SCOC: variants seen among roughly 807,000 people sequenced by gnomAD.
SCOC encodes the protein short coiled coil protein.
Under a neutral mutation model 9.9 loss-of-function variants are expected in SCOC, and 7 were observed. That is an observed-to-expected ratio of 0.71 (90% CI 0.40 to 1.33). The LOEUF is 1.33. Among genes scored for constraint, SCOC ranks in the 40% most tolerant of loss-of-function variants. The pLI, the probability that SCOC is intolerant of heterozygous loss-of-function variation, is 0.01. For missense variants in SCOC, 66 were observed against 89.7 expected (o/e 0.74, Z 1.07); for synonymous variants, 19 against 28.2 (o/e 0.67, Z 1.03).
At chr4:140,354,226 C>G (rs1003219171) in intron 2 of SCOC, among the ~76,000 whole-genome samples, 1 of 151,884 alleles carries the variant, frequency 6.6e-6, no homozygotes. Context: ...TCTTATCATT[C>G]TTTTTTACTT....
chr4:140,379,757 A>C lies in SCOC; in HGVS notation c.106+105A>C, dbSNP rs1267272004. On this transcript the variant is annotated intron_variant, in intron 3 of 3. Coordinates refer to ENST00000608372, the MANE Select transcript of SCOC (RefSeq NM_001153484.2). ...TGTTAGGATGTATAATTTTTAAAAG[A>C]ATGAACTTCAAAGTACACACATATA... is the stretch of plus-strand genomic sequence containing the variant. 4.0e-6 allele frequency: 3 copies of C among 758,696 alleles called. No individual in the cohort carries two copies. The East Asian group carries it at 7.9e-5, about 20-fold the overall frequency. The allele number at this position is 758,696 out of a possible 1,614,324, so 47.0% of individuals were successfully genotyped here.
At chr4:140,295,027 A>C (rs1298982040) in intron 1 of SCOC, among the ~76,000 whole-genome samples, 5 of 152,224 alleles carry the variant, frequency 3.3e-5, no homozygotes, top group Non-Finnish European at 7.3e-5. Context: ...ATAGCCACAC[A>C]CCAGTTAAAT....
chr4:140,293,747 C>T (rs568254330), intron 1 of SCOC, among the ~76,000 whole-genome samples: 17 of 152,182 alleles, frequency 1.1e-4, no homozygotes, highest in Non-Finnish European at 2.5e-4. Context: ...TCAGCCATTG[C>T]CTCCCAGCAG....
At chr4:140,278,863 G>GC (rs1278357473) in intron 1 of SCOC, among the ~76,000 whole-genome samples, 1 of 122,854 alleles carries the variant, frequency 8.1e-6, no homozygotes, top group Non-Finnish European at 1.6e-5. Context: ...TATTCACTTT[G>GC]CCCCCCCAAC....
chr4:140,326,539 G>A (rs554745245), intron 1 of SCOC, among the ~76,000 whole-genome samples: 28 of 152,236 alleles, frequency 1.8e-4, no homozygotes, highest in Middle Eastern at 3.4e-3. Flanking sequence ...GTCCACTGTG[G>A]TGAATTCTGT....
At chr4:140,281,181 G>C (rs1731087512) in intron 1 of SCOC, among the ~76,000 whole-genome samples, 1 of 152,098 alleles carries the variant, frequency 6.6e-6, no homozygotes, top group African/African-American at 2.4e-5. Context: ...AAAAAGAGAG[G>C]AGGAAGAGGC....
intron 2 of SCOC, among the ~76,000 whole-genome samples, chr4:140,362,283 T>TCTCCTTCTCCTTCTCCTTCTC (rs200328713): frequency 3.5e-4 from 6 of 17,366 alleles, no homozygotes; most frequent in Non-Finnish European, 6.4e-4. Context: ...CCTTACTTCT[T>TCTCCTTCTCCTTCTCCTTCTC]CTTCTTCTTC....
rs1476998890 is a variant in SCOC at position 140,310,926 on chromosome 4, A to C, written c.-18-32695A>C. ...GAGACATAGCAGATGCAGATGATGC[A>C]GCTGTTTTGCTCTGTGTGTGTGCTC... On this transcript the variant is annotated intron_variant, in intron 1 of 4. Coordinates refer to the SCOC transcript ENST00000394205. Among the ~76,000 whole-genome samples, 6 of 152,238 alleles carry C rather than the reference A, an allele frequency of 3.9e-5. No homozygotes were observed. In the East Asian group the frequency reaches 1.2e-3, roughly 29 times the overall value.
chr4:140,269,144 A>T (rs1328425547), intron 1 of SCOC, among the ~76,000 whole-genome samples: 1 of 152,202 alleles, frequency 6.6e-6, no homozygotes, highest in Non-Finnish European at 1.5e-5. Context: ...CACTAGACAC[A>T]GGGCTGCAAC....
chr4:140,360,177 G>A (rs1356222107), intron 2 of SCOC, among the ~76,000 whole-genome samples: 1 of 152,166 alleles, frequency 6.6e-6, no homozygotes, highest in Non-Finnish European at 1.5e-5. Flanking sequence ...TCCACAAGTA[G>A]AGAATGTTAC....
At chr4:140,258,846 C>T (rs1479671801) in intron 1 of SCOC, among the ~76,000 whole-genome samples, 1 of 152,174 alleles carries the variant, frequency 6.6e-6, no homozygotes, top group Non-Finnish European at 1.5e-5. Flanking sequence ...TATCATGGTT[C>T]TCCCACCATG....
chr4:140,282,521 G>A (rs991687980), intron 1 of SCOC, among the ~76,000 whole-genome samples: 1 of 152,202 alleles, frequency 6.6e-6, no homozygotes, highest in Admixed American at 6.5e-5. Flanking sequence ...TCCTGTGGAG[G>A]TGATAGAGTT....
chr4:140,316,396 A>G (rs1410353098), intron 1 of SCOC, among the ~76,000 whole-genome samples: 2 of 152,184 alleles, frequency 1.3e-5, no homozygotes, highest in African/African-American at 2.4e-5. Context: ...CTGTAATGCC[A>G]TTAACAGCAA....
intron 2 of SCOC, among the ~76,000 whole-genome samples, chr4:140,364,674 C>G (rs1002262483): frequency 7.2e-5 from 11 of 152,292 alleles, no homozygotes; most frequent in African/African-American, 2.6e-4. Flanking sequence ...AATGGCTGTA[C>G]AACAAGAAGG....
At chr4:140,324,876 CA>C (rs1299457836) in intron 1 of SCOC, among the ~76,000 whole-genome samples, 1 of 150,922 alleles carries the variant, frequency 6.6e-6, no homozygotes, top group Admixed American at 6.6e-5. Context: ...ATAGCCAAAG[CA>C]ATGCTGAAAA....
intron 1 of SCOC, among the ~76,000 whole-genome samples, chr4:140,285,927 G>T (rs1027183236): frequency 6.6e-6 from 1 of 152,268 alleles, no homozygotes; most frequent in African/African-American, 2.4e-5. Context: ...GCTCTCGCTT[G>T]TAATCCTAGC....
intron 1 of SCOC, among the ~76,000 whole-genome samples, chr4:140,337,613 G>A (rs1732992828): frequency 6.6e-6 from 1 of 152,072 alleles, no homozygotes; most frequent in South Asian, 2.1e-4. Flanking sequence ...AAATGATAAA[G>A]GGGATATCAC....
chr4:140,266,069 T>A (rs1157619144), intron 1 of SCOC, among the ~76,000 whole-genome samples: 4 of 152,244 alleles, frequency 2.6e-5, no homozygotes, highest in Admixed American at 2.6e-4. Flanking sequence ...CAATTAATTC[T>A]GAGGCCCAAT....
At chr4:140,344,825 C>T (rs1028311203) in intron 2 of SCOC, among the ~76,000 whole-genome samples, 4 of 152,112 alleles carry the variant, frequency 2.6e-5, no homozygotes. Flanking sequence ...GATGAGCATG[C>T]GCATGGGGAG....
Sources: gnomAD v4.1 joint callset for allele counts (sites outside exome capture counted in the v4.1 genomes callset) on GRCh38, gnomAD v4.1.1 for gene constraint, MANE v1.5 for transcripts, NCBI Gene and HGNC (gene_info 2026-07-23, HGNC 2026-07-21) for gene names.